The following SIPA1L2 variants were observed in gnomAD, a reference collection of about 807,000 sequenced individuals.
SIPA1L2 encodes signal induced proliferation associated 1 like 2.
A neutral mutation model predicts 163.9 loss-of-function variants in SIPA1L2; 56 were observed. The ratio of observed to expected loss-of-function variants is 0.34; its 90% CI spans 0.28 to 0.43. The LOEUF (loss-of-function observed/expected upper bound fraction) is 0.43. SIPA1L2 is among the 20% of genes least tolerant of loss of function. SIPA1L2 has a pLI of 1.00. For missense variants in SIPA1L2, 1,974 were observed against 2,193.5 expected, an observed-to-expected ratio of 0.90 and a Z score of 2.00; for synonymous variants, 877 against 865.7, an observed-to-expected ratio of 1.01 and a Z score of -0.23.
intron 10 of SIPA1L2, among the ~76,000 whole-genome samples, chr1:232,449,159 CTA>C: frequency 6.6e-6 from 1 of 151,952 alleles, no homozygotes; most frequent in African/African-American, 2.4e-5. Context: ...AAATTAAACA[CTA>C]AAAAATCCAG....
chr1:232,439,294 T>C lies in SIPA1L2; in HGVS notation c.3845A>G (p.His1282Arg). 1 of 1,614,066 alleles carries C rather than the reference T, an allele frequency of 6.2e-7. No individual in the cohort carries two copies. Residue 1282 changes from histidine (H) to arginine (R), a missense_variant, in exon 15 of 23, where the codon CAC (histidine) becomes CGC (arginine). His to Arg is a conservative substitution (Grantham distance 29). Coordinates refer to ENST00000674635, the MANE Select transcript of SIPA1L2 (RefSeq NM_020808.5). ...GATCAGGGACCTGCTGCCTGCCAGGTGCACAGGGCCGAGGATGGTGGCAGG... is the reference window on the plus strand; with the variant it reads ...GATCAGGGACCTGCTGCCTGCCAGGCGCACAGGGCCGAGGATGGTGGCAGG... ...CMPATILGPVHLAGSRSLIHS... is the reference protein window; with the variant it reads ...CMPATILGPVRLAGSRSLIHS...
chr1:232,524,707 TTATAA>T (rs987556537), intron 2 of SIPA1L2, among the ~76,000 whole-genome samples: 1 of 152,122 alleles, frequency 6.6e-6, no homozygotes, highest in Non-Finnish European at 1.5e-5. Context: ...ACTTGAGGAT[TTATAA>T]TATAATATTA....
chr1:232,586,261 T>C (rs1660649488), intron 1 of SIPA1L2, among the ~76,000 whole-genome samples: 1 of 152,170 alleles, frequency 6.6e-6, no homozygotes, highest in African/African-American at 2.4e-5. Flanking sequence ...GAGGAGTCAA[T>C]TAAAAAGACA....
chr1:232,524,741 C>T (rs1429771222), intron 2 of SIPA1L2, among the ~76,000 whole-genome samples: 3 of 151,946 alleles, frequency 2.0e-5, no homozygotes, highest in Non-Finnish European at 4.4e-5. Context: ...CAGCCATATA[C>T]AGAAAGGTTT....
At chr1:232,549,055 C>T (rs789662) in intron 2 of SIPA1L2, among the ~76,000 whole-genome samples, 86,720 of 151,924 alleles carry the variant, frequency 0.57, 26,178 homozygotes, top group East Asian at 0.85. Flanking sequence ...GGAGGAGGAG[C>T]TTCCCCTTAC....
chr1:232,527,311 A>G (rs945996682), intron 2 of SIPA1L2, among the ~76,000 whole-genome samples: 4 of 152,204 alleles, frequency 2.6e-5, no homozygotes, highest in African/African-American at 9.7e-5. Flanking sequence ...TGGATTCTTC[A>G]GAAAACAAAG....
intron 1 of SIPA1L2, among the ~76,000 whole-genome samples, 175 bp from the exon 2 acceptor site, chr1:232,574,397 T>C (rs2102786422): frequency 6.6e-6 from 1 of 152,262 alleles, no homozygotes; most frequent in East Asian, 1.9e-4. Flanking sequence ...TCGATGGAGT[T>C]TTCCAGAGGT....
At chr1:232,585,271 T>A (rs988344339) in intron 1 of SIPA1L2, among the ~76,000 whole-genome samples, 1 of 152,208 alleles carries the variant, frequency 6.6e-6, no homozygotes, top group Non-Finnish European at 1.5e-5. Flanking sequence ...AAGATGACAG[T>A]TCTATAAACA....
rs558991698 is a variant in SIPA1L2, at chr1:232,475,965, G to T, written c.2085+3662C>A. On this transcript the variant is annotated intron_variant, in intron 7 of 22. Coordinates refer to ENST00000674635, the MANE Select transcript of SIPA1L2 (RefSeq NM_020808.5). ...AAGTATATGCTCCTACTTAGGGTCT[G>T]GGAATAAAGCTACTCATGGAAAGCT... is the stretch of plus-strand genomic sequence containing the variant. Among the ~76,000 whole-genome samples the T allele has an allele frequency of 3.3e-5, 5 of 152,196 alleles. No homozygotes were observed. The South Asian group carries it at 8.3e-4, about 25-fold the overall frequency.
chr1:232,576,321 C>T (rs1383447476), intron 1 of SIPA1L2, among the ~76,000 whole-genome samples: 1 of 152,212 alleles, frequency 6.6e-6, no homozygotes, highest in African/African-American at 2.4e-5. Context: ...CACAATACTT[C>T]GAACTTCGTC....
chr1:232,443,039 C>A (rs1662996102), intron 12 of SIPA1L2, among the ~76,000 whole-genome samples: 1 of 152,180 alleles, frequency 6.6e-6, no homozygotes. Context: ...GTCACAGTGG[C>A]CCCAGCAGAC....
chr1:232,496,607 C>T (rs1468024191), intron 3 of SIPA1L2, among the ~76,000 whole-genome samples: 1 of 149,530 alleles, frequency 6.7e-6, no homozygotes, highest in Non-Finnish European at 1.5e-5. Context: ...AGTTAATTGT[C>T]TACTTCAGAC....
In SIPA1L2 at chr1:232,398,978, C is replaced by T; in HGVS notation, c.*149G>A. On this transcript the variant is annotated 3_prime_UTR_variant, in exon 23 of 23. Transcript: ENST00000674635. ...TGGTTACCGAGAAAGAGTCGAGGCTCCCTATCCTGCTGTGGTGAATGGTGC... is the reference window on the plus strand; with the variant it reads ...TGGTTACCGAGAAAGAGTCGAGGCTTCCTATCCTGCTGTGGTGAATGGTGC... 7.5e-6 allele frequency: 8 copies of T among 1,064,182 alleles called. No homozygotes were observed. The highest frequency in any genetic ancestry group is 1.1e-5 in the Non-Finnish European group (8 of 748,904). The allele number at this position is 1,064,182 out of a possible 1,614,324, so 65.9% of individuals were successfully genotyped here.
chr1:232,456,057 A>G (rs1663896538), intron 10 of SIPA1L2, among the ~76,000 whole-genome samples: 1 of 152,104 alleles, frequency 6.6e-6, no homozygotes, highest in African/African-American at 2.4e-5. Context: ...ACGACACGTA[A>G]TTTACCCACG....
chr1:232,493,938 T>C (rs1488065954), intron 3 of SIPA1L2, among the ~76,000 whole-genome samples: 1 of 152,210 alleles, frequency 6.6e-6, no homozygotes, highest in African/African-American at 2.4e-5. Context: ...ATCATGTGAA[T>C]AGCATCATCA....
At chr1:232,521,373 A>G (rs1667450885) in intron 2 of SIPA1L2, among the ~76,000 whole-genome samples, 1 of 152,218 alleles carries the variant, frequency 6.6e-6, no homozygotes, top group Non-Finnish European at 1.5e-5. Context: ...GTAAAGCAGG[A>G]CCTCAATAAA....
intron 1 of SIPA1L2, among the ~76,000 whole-genome samples, chr1:232,628,488 A>C (rs1022575516): frequency 6.6e-6 from 1 of 152,348 alleles, no homozygotes; most frequent in East Asian, 1.9e-4. Flanking sequence ...CAAAACTAAC[A>C]GAACTCTGAA....
At chr1:232,600,325 T>C (rs541294833) in intron 1 of SIPA1L2, among the ~76,000 whole-genome samples, 18 of 152,308 alleles carry the variant, frequency 1.2e-4, no homozygotes, top group African/African-American at 4.3e-4. Context: ...AATCAACTCT[T>C]TTTTTCCAGC....
chr1:232,400,669 C>G (rs1660284693), intron 22 of SIPA1L2, among the ~76,000 whole-genome samples: 2 of 152,136 alleles, frequency 1.3e-5, no homozygotes, highest in South Asian at 2.1e-4. Flanking sequence ...ATTCTAGAAC[C>G]TGGTTTGCTC....
Sources: allele counts gnomAD v4.1 joint callset (sites outside exome capture counted in the v4.1 genomes callset), GRCh38; gene constraint gnomAD v4.1.1; transcripts MANE v1.5; gene names NCBI Gene and HGNC (gene_info 2026-07-23, HGNC 2026-07-21).